The following TRPC6 variants were observed in gnomAD, a reference collection of about 807,000 sequenced individuals.
TRPC6 encodes transient receptor potential cation channel subfamily C member 6.
A neutral mutation model predicts 90.7 loss-of-function variants in TRPC6; 55 were observed. The observed-to-expected ratio is 0.61, with a 90% CI of 0.49 to 0.76. The LOEUF (loss-of-function observed/expected upper bound fraction) is 0.76. Among genes scored for constraint, TRPC6 ranks in the 30% least tolerant of loss-of-function variants. The pLI, the probability that TRPC6 is intolerant of heterozygous loss-of-function variation, is 0.00. For missense variants in TRPC6, 989 were observed against 1,122.7 expected, an observed-to-expected ratio of 0.88 and a Z score of 1.70; for synonymous variants, 393 against 393.0, an observed-to-expected ratio of 1.00 and a Z score of 0.00.
intron 1 of TRPC6, among the ~76,000 whole-genome samples, chr11:101,552,346 AT>A (rs1202258391): frequency 6.6e-6 from 1 of 152,148 alleles, no homozygotes; most frequent in Non-Finnish European, 1.5e-5. Context: ...TGAAAACATA[AT>A]AACAAAGCCA....
chr11:101,527,059 A>G (rs1311220120), intron 1 of TRPC6, among the ~76,000 whole-genome samples: 1 of 152,088 alleles, frequency 6.6e-6, no homozygotes, highest in African/African-American at 2.4e-5. Flanking sequence ...AAGGCTGTGT[A>G]CTATTTTATA....
intron 6 of TRPC6, among the ~76,000 whole-genome samples, chr11:101,476,047 G>C (rs530186161): frequency 6.6e-6 from 1 of 152,234 alleles, no homozygotes; most frequent in South Asian, 2.1e-4. Flanking sequence ...CATGAAGTTT[G>C]ATAAGTAGCC....
chr11:101,581,326 A>G (rs1862192752), intron 1 of TRPC6, among the ~76,000 whole-genome samples: 1 of 152,246 alleles, frequency 6.6e-6, no homozygotes, highest in African/African-American at 2.4e-5. Context: ...AACAATAATT[A>G]GACAAATTAG....
At chr11:101,549,566 A>G (rs1424693963) in intron 1 of TRPC6, among the ~76,000 whole-genome samples, 1 of 151,730 alleles carries the variant, frequency 6.6e-6, no homozygotes, top group Non-Finnish European at 1.5e-5. Context: ...AATCATTTCA[A>G]TAAAAAGTGG....
chr11:101,536,380 C>T (rs1403731543), intron 1 of TRPC6, among the ~76,000 whole-genome samples: 7 of 151,404 alleles, frequency 4.6e-5, no homozygotes, highest in Admixed American at 1.3e-4. Flanking sequence ...GAGCAAGACT[C>T]GATCCCCCAG....
In TRPC6 at chr11:101,452,467, C is replaced by A. The variant is rs1858785318; in HGVS notation, c.*488G>T. 6.1e-6 allele frequency: 1 copy of A among 163,674 alleles called. No homozygotes were observed. Among genetic ancestry groups the A allele is most frequent in the Admixed American group, 5.7e-5 (1 of 17,594 alleles). The allele number at this position is 163,674 out of a possible 1,614,324, so 10.1% of individuals were successfully genotyped here. The stretch of plus-strand genomic sequence containing the variant: ...ATAAGTAGGGTAAATGGTGTTTAAA[C>A]AGCATTCTAAAGAAAGGATTAAAGC... On this transcript the variant is annotated 3_prime_UTR_variant, in exon 13 of 13. Coordinates refer to ENST00000344327, the MANE Select transcript of TRPC6 (RefSeq NM_004621.6).
At chr11:101,484,920 G>A (rs1291257644) in intron 4 of TRPC6, among the ~76,000 whole-genome samples, 1 of 152,010 alleles carries the variant, frequency 6.6e-6, no homozygotes, top group Non-Finnish European at 1.5e-5. Context: ...ATAACATATA[G>A]TGATTAGATT....
intron 1 of TRPC6, among the ~76,000 whole-genome samples, chr11:101,535,301 A>G (rs917586537): frequency 2.0e-5 from 3 of 152,152 alleles, no homozygotes; most frequent in African/African-American, 7.2e-5. Flanking sequence ...GTAAAGGTAA[A>G]AACTTTCCAG....
intron 1 of TRPC6, among the ~76,000 whole-genome samples, chr11:101,510,641 C>T (rs1342557495): frequency 6.6e-6 from 1 of 152,136 alleles, no homozygotes; most frequent in Non-Finnish European, 1.5e-5. Context: ...ACCCCTATGG[C>T]ACTCAAATGT....
chr11:101,514,510 A>G (rs1450314927), intron 1 of TRPC6, among the ~76,000 whole-genome samples: 1 of 152,150 alleles, frequency 6.6e-6, no homozygotes, highest in Non-Finnish European at 1.5e-5. Context: ...GCAGCCCAGA[A>G]AAAACCCTGA....
intron 6 of TRPC6, among the ~76,000 whole-genome samples, chr11:101,474,680 T>C (rs1031503691): frequency 6.6e-6 from 1 of 152,210 alleles, no homozygotes; most frequent in Non-Finnish European, 1.5e-5. Flanking sequence ...GGAGGCCTTA[T>C]GTGATATTGC....
intron 1 of TRPC6, among the ~76,000 whole-genome samples, chr11:101,555,049 T>C (rs1861530413): frequency 6.6e-6 from 1 of 152,290 alleles, no homozygotes; most frequent in Non-Finnish European, 1.5e-5. Context: ...GCTATGACAC[T>C]GCGGTCTGAT....
chr11:101,577,221 A>T (rs895547474), intron 1 of TRPC6, among the ~76,000 whole-genome samples: 1 of 152,226 alleles, frequency 6.6e-6, no homozygotes, highest in African/African-American at 2.4e-5. Context: ...ACTAGATTAT[A>T]GGATTCTTTC....
intron 2 of TRPC6, among the ~76,000 whole-genome samples, chr11:101,502,585 ATAAT>A (rs760992395): frequency 2.6e-5 from 4 of 152,362 alleles, no homozygotes; most frequent in East Asian, 1.9e-4. Context: ...GATTTTGAAA[ATAAT>A]TAATATTAAT....
At chr11:101,527,946 A>G (rs768036728) in intron 1 of TRPC6, among the ~76,000 whole-genome samples, 72 of 152,048 alleles carry the variant, frequency 4.7e-4, no homozygotes, top group Non-Finnish European at 8.8e-4. Flanking sequence ...AGTGACGGGC[A>G]CCTGTAATCC....
rs562490801 is a variant in TRPC6, at chr11:101,473,403, A to T, written c.2009+106T>A. On this transcript the variant is annotated intron_variant, in intron 7 of 12. Transcript: ENST00000344327. ...TCATTTTGCAAAACAGGAACTAGAG[A>T]TGAAGTCTTTACCAAAACATTATCC... 3.0e-6 allele frequency: 4 copies of T among 1,327,964 alleles called. No homozygotes were observed. The South Asian group carries it at 5.2e-5, about 17-fold the overall frequency. 82.3% of individuals were successfully genotyped at this position (1,327,964 alleles called of 1,614,324 possible).
At chr11:101,458,039 G>A (rs1858924424) in intron 10 of TRPC6, among the ~76,000 whole-genome samples, 1 of 152,148 alleles carries the variant, frequency 6.6e-6, no homozygotes, top group Non-Finnish European at 1.5e-5. Context: ...TAGCCTAGCT[G>A]ACCTTAACCA....
intron 6 of TRPC6, among the ~76,000 whole-genome samples, chr11:101,474,560 T>C (rs1442383799): frequency 1.3e-5 from 2 of 152,168 alleles, no homozygotes; most frequent in Non-Finnish European, 2.9e-5. Flanking sequence ...TCCTTTTTTA[T>C]AGTGCTTTGA....
chr11:101,533,901 T>C (rs1383599836), intron 1 of TRPC6, among the ~76,000 whole-genome samples: 1 of 152,126 alleles, frequency 6.6e-6, no homozygotes, highest in African/African-American at 2.4e-5. Context: ...GGCTCCATAA[T>C]GTATTGGCTT....
Sources: allele counts gnomAD v4.1 joint callset (sites outside exome capture counted in the v4.1 genomes callset), GRCh38; gene constraint gnomAD v4.1.1; transcripts MANE v1.5; gene names NCBI Gene and HGNC (gene_info 2026-07-23, HGNC 2026-07-21).